SGCZ: variants seen among roughly 807,000 people sequenced by gnomAD.
SGCZ encodes zeta-sarcoglycan.
A neutral mutation model predicts 41.3 loss-of-function variants in SGCZ; 40 were observed. That is an observed-to-expected ratio of 0.97 (90% CI 0.75 to 1.26). The LOEUF is 1.26. SGCZ is among the 50% of genes most tolerant of loss of function. The probability of loss-of-function intolerance (pLI) is 0.00; values close to 1 mark genes in which losing one functional copy is unlikely to be tolerated. For missense variants in SGCZ, 552 were observed against 369.8 expected (o/e 1.49, Z -4.04); for synonymous variants, 206 against 137.5 (o/e 1.50, Z -3.49).
chr8:14,209,823 AAAAATATAACCTGTATGATTAAGT>A (rs140957229), intron 4 of SGCZ, among the ~76,000 whole-genome samples: 113,210 of 150,220 alleles, frequency 0.75, 43,816 homozygotes, highest in African/African-American at 0.92. Flanking sequence ...ATATTTTCAT[AAAAATATAACCTGTATGATTAAGT>A]AAAATATAAC....
intron 2 of SGCZ, among the ~76,000 whole-genome samples, chr8:14,348,512 T>C (rs1305402112): frequency 6.6e-6 from 1 of 152,126 alleles, no homozygotes; most frequent in East Asian, 1.9e-4. Context: ...TCTAATCCCA[T>C]AGATTGAAAT....
At chr8:14,672,354 G>A (rs1187379021) in intron 1 of SGCZ, among the ~76,000 whole-genome samples, 1 of 152,092 alleles carries the variant, frequency 6.6e-6, no homozygotes, top group African/African-American at 2.4e-5. Flanking sequence ...TTTGCTGATT[G>A]GTCAGATGTG....
intron 1 of SGCZ, among the ~76,000 whole-genome samples, chr8:14,966,084 C>G (rs1310242019): frequency 2.0e-5 from 3 of 151,880 alleles, no homozygotes; most frequent in Non-Finnish European, 2.9e-5. Flanking sequence ...AAAAACTGAA[C>G]ATGAAGAGAC....
intron 3 of SGCZ, among the ~76,000 whole-genome samples, chr8:14,321,132 TC>T (rs1801903410): frequency 1.3e-5 from 2 of 152,208 alleles, no homozygotes; most frequent in South Asian, 2.1e-4. Context: ...AGATTACACA[TC>T]TTTTGTATTG....
chr8:14,947,213 C>A (rs1413959546), intron 1 of SGCZ, among the ~76,000 whole-genome samples: 1 of 152,130 alleles, frequency 6.6e-6, no homozygotes, highest in African/African-American at 2.4e-5. Flanking sequence ...GGAATGAGCA[C>A]AGAGACAAAA....
intron 1 of SGCZ, among the ~76,000 whole-genome samples, chr8:14,951,977 T>C (rs1800655565): frequency 6.6e-6 from 1 of 152,150 alleles, no homozygotes; most frequent in East Asian, 1.9e-4. Context: ...TGAATTCATT[T>C]GATGAGAATT....
chr8:14,722,867 A>C lies in SGCZ; in HGVS notation c.40-167941T>G, dbSNP rs1409987923. ...ATGTACACAGGGATTTATGTGTGTA[A>C]AGTCGGAAATAAAATGCGTTCCATT... On this transcript the variant is annotated intron_variant, in intron 1 of 7. Coordinates refer to ENST00000382080, the MANE Select transcript of SGCZ (RefSeq NM_139167.4). Among the ~76,000 whole-genome samples the C allele has an allele frequency of 8.5e-5, 13 of 152,274 alleles. No individual in the cohort carries two copies. In the East Asian group the frequency reaches 2.5e-3, roughly 29 times the overall value.
At chr8:14,332,666 A>C (rs1303478936) in intron 2 of SGCZ, 1 of 151,826 alleles carries the variant, frequency 6.6e-6, no homozygotes, top group Non-Finnish European at 1.5e-5. Flanking sequence ...AGCCTTACAT[A>C]AATAAATGAA....
intron 2 of SGCZ, among the ~76,000 whole-genome samples, chr8:14,396,767 G>A (rs2117233279): frequency 6.6e-6 from 1 of 152,028 alleles, no homozygotes; most frequent in South Asian, 2.1e-4. Flanking sequence ...ACGAGATAGT[G>A]AGCTTTCAGT....
At chr8:14,214,836 G>T (rs971640662) in intron 4 of SGCZ, among the ~76,000 whole-genome samples, 19 of 152,062 alleles carry the variant, frequency 1.2e-4, no homozygotes, top group Non-Finnish European at 1.9e-4. Context: ...AAGCAGGTAT[G>T]CACCAAATAA....
At chr8:14,155,989 A>G (rs1380875491) in intron 5 of SGCZ, among the ~76,000 whole-genome samples, 2 of 152,126 alleles carry the variant, frequency 1.3e-5, no homozygotes, top group African/African-American at 2.4e-5. Context: ...CAGTAAAAAT[A>G]ATGATATAAA....
intron 2 of SGCZ, among the ~76,000 whole-genome samples, chr8:14,370,874 C>T (rs762646361): frequency 6.6e-6 from 1 of 151,890 alleles, no homozygotes; most frequent in African/African-American, 2.4e-5. Context: ...ATTTTTCTTA[C>T]TGACTGTGTA....
chr8:14,217,152 C>A (rs1806024207), intron 4 of SGCZ, among the ~76,000 whole-genome samples: 1 of 151,788 alleles, frequency 6.6e-6, no homozygotes, highest in Non-Finnish European at 1.5e-5. Flanking sequence ...AAAAAGTTAG[C>A]CGGCATGGTG....
At chr8:14,146,070 T>C (rs1377296074) in intron 5 of SGCZ, among the ~76,000 whole-genome samples, 2 of 151,990 alleles carry the variant, frequency 1.3e-5, no homozygotes, top group East Asian at 1.9e-4. Flanking sequence ...AAGAAAGATA[T>C]CAATATCCAA....
chr8:14,572,459 GC>G (rs1804583365), intron 1 of SGCZ, among the ~76,000 whole-genome samples: 1 of 152,108 alleles, frequency 6.6e-6, no homozygotes, highest in African/African-American at 2.4e-5. Context: ...AGGCACTAAT[GC>G]CCACAGGTGT....
At chr8:14,146,890 A>AAAAAAAAAAATAATAATAATAAT (rs1182329393) in intron 5 of SGCZ, among the ~76,000 whole-genome samples, 2 of 116,186 alleles carry the variant, frequency 1.7e-5, no homozygotes, top group African/African-American at 3.6e-5. Context: ...AAAATAAAAA[A>AAAAAAAAAAATAATAATAATAAT]AATAATAATA....
intron 5 of SGCZ, among the ~76,000 whole-genome samples, chr8:14,153,667 A>C (rs1018628131): frequency 1.3e-5 from 2 of 152,108 alleles, no homozygotes; most frequent in African/African-American, 2.4e-5. Flanking sequence ...ACCCCCTACC[A>C]AGCCAACTGA....
At chr8:14,244,122 T>G (rs898772244) in intron 3 of SGCZ, among the ~76,000 whole-genome samples, 4 of 151,540 alleles carry the variant, frequency 2.6e-5, no homozygotes, top group African/African-American at 9.7e-5. Flanking sequence ...TAGGAAGCCA[T>G]TACTCCCCTT....
chr8:14,099,581 C>T (rs1801948191), intron 7 of SGCZ, among the ~76,000 whole-genome samples: 1 of 152,060 alleles, frequency 6.6e-6, no homozygotes, highest in South Asian at 2.1e-4. Flanking sequence ...AAATATTAGC[C>T]AGGAATGGTG....
Sources: gnomAD v4.1 joint callset for allele counts (sites outside exome capture counted in the v4.1 genomes callset) on GRCh38, gnomAD v4.1.1 for gene constraint, MANE v1.5 for transcripts, NCBI Gene and HGNC (gene_info 2026-07-23, HGNC 2026-07-21) for gene names.